KIAA0319L: variants seen among roughly 807,000 people sequenced by gnomAD.
KIAA0319L encodes the protein KIAA0319 like.
In KIAA0319L, 55 loss-of-function variants were observed where a neutral mutation model predicts 120.1. The ratio of observed to expected loss-of-function variants is 0.46; its 90% CI spans 0.37 to 0.57. KIAA0319L has a LOEUF of 0.57. KIAA0319L is among the 20% of genes least tolerant of loss of function. The pLI is 0.00. For missense variants in KIAA0319L, 1,049 were observed against 1,255.3 expected (o/e 0.84, Z 2.48); for synonymous variants, 398 against 471.9 (o/e 0.84, Z 2.03).
chr1:35,534,915 G>A (rs548813885), intron 2 of KIAA0319L, among the ~76,000 whole-genome samples: 15 of 143,950 alleles, frequency 1.0e-4, no homozygotes, highest in African/African-American at 1.8e-4. Flanking sequence ...TCAGGAGTTC[G>A]AGACCAGCCT....
intron 11 of KIAA0319L, 138 bp downstream of exon 11, chr1:35,454,224 C>A (rs1558313216): frequency 2.5e-6 from 2 of 804,908 alleles, no homozygotes; most frequent in East Asian, 4.9e-5. Context: ...GGGGAAGGAA[C>A]AATAGAAGTC....
chr1:35,463,083 G>A (rs560877686), intron 7 of KIAA0319L, among the ~76,000 whole-genome samples: 1 of 152,262 alleles, frequency 6.6e-6, no homozygotes, highest in East Asian at 1.9e-4. Context: ...TCACTCACCC[G>A]CCATTTACCT....
At chr1:35,514,208 C>T (rs1338141507) in intron 2 of KIAA0319L, among the ~76,000 whole-genome samples, 1 of 151,900 alleles carries the variant, frequency 6.6e-6, no homozygotes, top group African/African-American at 2.4e-5. Context: ...TACAATGTAA[C>T]CCTAAGAGTA....
intron 3 of KIAA0319L, among the ~76,000 whole-genome samples, chr1:35,493,010 T>C (rs902291921): frequency 2.2e-4 from 34 of 151,906 alleles, no homozygotes; most frequent in Non-Finnish European, 4.7e-4. Context: ...AGTAAAAATA[T>C]ATAAAAAACA....
intron 10 of KIAA0319L, chr1:35,454,787 A>G (rs1213461099): frequency 1.7e-5 from 5 of 302,350 alleles, no homozygotes; most frequent in African/African-American, 8.5e-5. Context: ...GCCAGTCTCT[A>G]TGACTCAAAC....
At chr1:35,520,729 ATCTT>A (rs1303331038) in intron 2 of KIAA0319L, among the ~76,000 whole-genome samples, 1 of 152,036 alleles carries the variant, frequency 6.6e-6, no homozygotes, top group Non-Finnish European at 1.5e-5. Context: ...TATTATCCTC[ATCTT>A]TTTATTCATT....
At chr1:35,481,168 C>G (rs948402398) in intron 3 of KIAA0319L, among the ~76,000 whole-genome samples, 4 of 152,110 alleles carry the variant, frequency 2.6e-5, no homozygotes, top group Non-Finnish European at 5.9e-5. Context: ...TATAGAAATA[C>G]ACAAAAATTT....
At chr1:35,507,675 T>C (rs1222998274) in intron 2 of KIAA0319L, among the ~76,000 whole-genome samples, 1 of 152,198 alleles carries the variant, frequency 6.6e-6, no homozygotes, top group African/African-American at 2.4e-5. Flanking sequence ...CTCATGCAGT[T>C]AATAGGCACA....
intron 3 of KIAA0319L, among the ~76,000 whole-genome samples, chr1:35,493,559 CAT>C (rs988224307): frequency 3.9e-5 from 6 of 152,088 alleles, no homozygotes; most frequent in Non-Finnish European, 8.8e-5. Context: ...AGCTGGTATA[CAT>C]GTCTTTCTTG....
intron 2 of KIAA0319L, among the ~76,000 whole-genome samples, chr1:35,537,420 T>C (rs1035237224): frequency 6.0e-5 from 9 of 151,062 alleles, no homozygotes; most frequent in Non-Finnish European, 1.5e-5. Flanking sequence ...GTTTTGTTGT[T>C]TTTAAAGAGA....
At chr1:35,456,403 C>A (rs1189927539) in intron 9 of KIAA0319L, among the ~76,000 whole-genome samples, 162 bp from the exon 10 acceptor site, 2 of 152,210 alleles carry the variant, frequency 1.3e-5, no homozygotes, top group Admixed American at 1.3e-4. Flanking sequence ...GAAGCTAACA[C>A]TGACTGAAGT....
At chr1:35,444,084 C>A in intron 17 of KIAA0319L, 77 bp downstream of exon 17, 1 of 1,243,404 alleles carries the variant, frequency 8.0e-7, no homozygotes, top group South Asian at 1.5e-5. Flanking sequence ...AAGATGAAGG[C>A]CAAGGACAGA....
chr1:35,442,868 G>A (rs768582106), intron 18 of KIAA0319L, 38 bp downstream of exon 18: 5 of 1,613,626 alleles, frequency 3.1e-6, no homozygotes, highest in South Asian at 2.2e-5. Context: ...CACATTCAGC[G>A]CCAAACAGGC....
chr1:35,444,284 C>CA lies in KIAA0319L; in HGVS notation c.2532dup (p.Val845CysfsTer14). ...ATCTGGTGGGGAGGCTCGTTTTGAA[C>CA]AAAAAATACCATTTTGGTGCTGCAG... On this transcript the variant is annotated frameshift_variant, in exon 17 of 21. Transcript: ENST00000325722. LOFTEE classifies it high-confidence loss of function. 1.2e-6 allele frequency: 2 copies of CA among 1,605,290 alleles called. No individual in the cohort carries two copies. The highest frequency in any genetic ancestry group is 1.7e-6 in the Non-Finnish European group (2 of 1,176,638).
Position 35,557,091 on chromosome 1 carries a change from C to A in KIAA0319L, c.-29+116G>T, listed in dbSNP as rs565488994. On this transcript the variant is annotated intron_variant, in intron 1 of 20. Coordinates refer to ENST00000325722, the MANE Select transcript of KIAA0319L (RefSeq NM_024874.5). ...CTGGCTGCCCTGGCCGAGCCAGGGGCGCCACCTCCGGACCCAACATCCGGC... is the reference window on the plus strand; with the variant it reads ...CTGGCTGCCCTGGCCGAGCCAGGGGAGCCACCTCCGGACCCAACATCCGGC... The A allele has an allele frequency of 3.9e-5, 6 of 154,670 alleles. No homozygotes were observed. In the South Asian group the frequency reaches 1.1e-3, roughly 29 times the overall value. The allele number at this position is 154,670 out of a possible 1,614,324, so 9.6% of individuals were successfully genotyped here. A position where few individuals can be genotyped will look rare whatever the true frequency, so the allele number is the denominator to read the frequency against.
chr1:35,476,563 C>T (rs1643902321), intron 4 of KIAA0319L, among the ~76,000 whole-genome samples: 1 of 151,820 alleles, frequency 6.6e-6, no homozygotes, highest in Non-Finnish European at 1.5e-5. Flanking sequence ...ATTTGGATGC[C>T]CCAGGAGATG....
chr1:35,493,012 T>TA (rs1450721685), intron 3 of KIAA0319L, among the ~76,000 whole-genome samples: 2 of 151,772 alleles, frequency 1.3e-5, no homozygotes, highest in African/African-American at 2.4e-5. Context: ...TAAAAATATA[T>TA]AAAAAACATT....
intron 2 of KIAA0319L, among the ~76,000 whole-genome samples, chr1:35,508,962 T>C (rs887952145): frequency 9.9e-5 from 15 of 152,138 alleles, no homozygotes; most frequent in African/African-American, 3.4e-4. Context: ...CTTCCCACCA[T>C]GAATAACTAG....
intron 2 of KIAA0319L, among the ~76,000 whole-genome samples, chr1:35,550,740 T>C (rs1179018009): frequency 6.6e-6 from 1 of 152,202 alleles, no homozygotes; most frequent in Non-Finnish European, 1.5e-5. Context: ...TATTAAACAT[T>C]TTTTAATTCT....
Sources: allele counts gnomAD v4.1 joint callset (sites outside exome capture counted in the v4.1 genomes callset), GRCh38; gene constraint gnomAD v4.1.1; transcripts MANE v1.5; gene names NCBI Gene and HGNC (gene_info 2026-07-23, HGNC 2026-07-21).